Variants in CNTN5 observed in about 807,000 individuals in gnomAD.
The protein encoded by CNTN5 is contactin 5, also known as contactin-5.
CNTN5 carries 77 observed loss-of-function variants against 129.1 expected under a neutral mutation model. The observed-to-expected ratio is 0.60, with a 90% confidence interval of 0.50 to 0.72. The LOEUF (loss-of-function observed/expected upper bound fraction) is 0.72, where lower values mean the gene tolerates loss of function less well. Ranked by LOEUF, CNTN5 falls within the 30% of genes least tolerant of loss-of-function variation. The pLI, the probability that CNTN5 is intolerant of heterozygous loss-of-function variation, is 0.00. For synonymous variants in CNTN5, 509 were observed against 465.6 expected (o/e 1.09, Z -1.20); for missense variants, 1,478 against 1,328.8 (o/e 1.11, Z -1.75).
chr11:99,795,242 A>T (rs771544579), intron 3 of CNTN5, among the ~76,000 whole-genome samples: 9 of 152,136 alleles, frequency 5.9e-5, no homozygotes, highest in Non-Finnish European at 1.2e-4. Context: ...GTATTATGAT[A>T]TATTTGAAGT....
chr11:100,120,025 A>T (rs1305269964), intron 13 of CNTN5, among the ~76,000 whole-genome samples: 1 of 151,956 alleles, frequency 6.6e-6, no homozygotes, highest in East Asian at 1.9e-4. Context: ...TTCTCCTAAC[A>T]TTATATGAAA....
At chr11:100,325,202 T>C (rs1396348397) in intron 21 of CNTN5, among the ~76,000 whole-genome samples, 1 of 152,098 alleles carries the variant, frequency 6.6e-6, no homozygotes, top group African/African-American at 2.4e-5. Context: ...AGGAAGAATG[T>C]AAAAAGCAAT....
chr11:99,062,498 A>G (rs937665896), intron 1 of CNTN5, among the ~76,000 whole-genome samples: 2 of 152,106 alleles, frequency 1.3e-5, no homozygotes, highest in Admixed American at 1.3e-4. Context: ...CAGCCAGTAT[A>G]CCACTCTCTA....
intron 1 of CNTN5, among the ~76,000 whole-genome samples, chr11:99,208,253 T>C (rs192822596): frequency 1.8e-4 from 28 of 152,278 alleles, no homozygotes; most frequent in African/African-American, 6.7e-4. Flanking sequence ...ATGAGTTTAA[T>C]GGTGTATGTA....
intron 1 of CNTN5, among the ~76,000 whole-genome samples, chr11:99,037,586 T>C (rs964022187): frequency 2.0e-4 from 29 of 147,148 alleles, no homozygotes; most frequent in African/African-American, 6.7e-4. Context: ...CTTTTTTTTT[T>C]TTTTTTTTTT....
intron 1 of CNTN5, among the ~76,000 whole-genome samples, chr11:99,188,975 C>T (rs1044161368): frequency 7.3e-5 from 11 of 151,614 alleles, no homozygotes; most frequent in Admixed American, 1.3e-4. Context: ...TTGAAACTTT[C>T]GAACTTTGAA....
chr11:99,477,624 A>T (rs951685134), intron 2 of CNTN5, among the ~76,000 whole-genome samples: 3 of 151,826 alleles, frequency 2.0e-5, no homozygotes, highest in Non-Finnish European at 2.9e-5. Flanking sequence ...ACCAAAGCAA[A>T]ATTTAACAAA....
chr11:100,134,455 G>T (rs1446755567), intron 13 of CNTN5, among the ~76,000 whole-genome samples: 2 of 152,136 alleles, frequency 1.3e-5, no homozygotes, highest in Non-Finnish European at 1.5e-5. Context: ...ATGAGATAAT[G>T]AATATAAAGT....
At chr11:100,126,546 T>C (rs912142705) in intron 13 of CNTN5, among the ~76,000 whole-genome samples, 6 of 152,062 alleles carry the variant, frequency 3.9e-5, no homozygotes, top group African/African-American at 1.2e-4. Context: ...TCTCTGTCTT[T>C]TTTTTAAAAT....
At chr11:99,553,979 C>CACACAT (rs1555025633) in intron 2 of CNTN5, among the ~76,000 whole-genome samples, 5 of 145,556 alleles carry the variant, frequency 3.4e-5, no homozygotes, top group Admixed American at 6.9e-5. Context: ...CACACACACA[C>CACACAT]ACACACACAC....
rs1393717488 is a variant in CNTN5 at position 100,070,433 on chromosome 11, A to G, written c.1172A>G (p.His391Arg). ...GCTTACATACTTACAGCCTACCCAC[A>G]CTGGGTAGAAAAACTGAATGATACT... ...RGQLQVYTYP[H>R]WVEKLNDTQL... The change falls in exon 11 of 25, where the codon CAC becomes CGC. Residue 391 changes from histidine to arginine, a missense_variant. Physicochemically the swap from His to Arg is conservative, Grantham distance 29. Coordinates refer to ENST00000524871, the MANE Select transcript of CNTN5 (RefSeq NM_014361.4). 2 of 1,611,628 alleles carry G rather than the reference A, an allele frequency of 1.2e-6. No homozygotes were observed. Among genetic ancestry groups the G allele is most frequent in the African/African-American group, 1.3e-5 (1 of 74,838 alleles).
intron 1 of CNTN5, among the ~76,000 whole-genome samples, chr11:99,122,366 A>G (rs774223204): frequency 9.9e-5 from 15 of 152,204 alleles, no homozygotes; most frequent in South Asian, 2.1e-4. Context: ...TTAATAAACA[A>G]TACATCTTAG....
intron 3 of CNTN5, among the ~76,000 whole-genome samples, chr11:99,593,372 C>T (rs536130562): frequency 6.6e-6 from 1 of 152,244 alleles, no homozygotes; most frequent in African/African-American, 2.4e-5. Flanking sequence ...ACTCTTGTCA[C>T]TGATTTGAAA....
At chr11:100,083,429 T>C (rs1944435326) in intron 13 of CNTN5, among the ~76,000 whole-genome samples, 1 of 151,950 alleles carries the variant, frequency 6.6e-6, no homozygotes, top group Non-Finnish European at 1.5e-5. Context: ...GCTATACCAT[T>C]CACAAGGGAT....
chr11:99,725,887 C>T (rs535563632), intron 3 of CNTN5, among the ~76,000 whole-genome samples: 1 of 152,308 alleles, frequency 6.6e-6, no homozygotes, highest in Non-Finnish European at 1.5e-5. Flanking sequence ...CCTTTTAAAT[C>T]TGAGGGCTCA....
At chr11:100,259,879 A>C (rs1950160418) in intron 17 of CNTN5, among the ~76,000 whole-genome samples, 1 of 152,136 alleles carries the variant, frequency 6.6e-6, no homozygotes, top group African/African-American at 2.4e-5. Context: ...AATCACAATT[A>C]AAAGAACTAG....
intron 1 of CNTN5, among the ~76,000 whole-genome samples, chr11:99,213,889 A>G (rs1859969278): frequency 6.6e-6 from 1 of 152,182 alleles, no homozygotes; most frequent in Non-Finnish European, 1.5e-5. Context: ...AGAATAAACA[A>G]GTACAGTGTT....
chr11:99,920,753 A>G (rs1341950460), intron 7 of CNTN5, among the ~76,000 whole-genome samples: 1 of 152,148 alleles, frequency 6.6e-6, no homozygotes, highest in African/African-American at 2.4e-5. Context: ...TTATAAGTAC[A>G]CTAATCTCAT....
At chr11:99,445,638 A>G (rs977178137) in intron 2 of CNTN5, among the ~76,000 whole-genome samples, 2 of 152,212 alleles carry the variant, frequency 1.3e-5, no homozygotes, top group Non-Finnish European at 2.9e-5. Flanking sequence ...TCAAAGAGTC[A>G]GGATGTTGCT....
Sources: gnomAD v4.1 joint callset for allele counts (sites outside exome capture counted in the v4.1 genomes callset) on GRCh38, gnomAD v4.1.1 for gene constraint, MANE v1.5 for transcripts, NCBI Gene and HGNC (gene_info 2026-07-23, HGNC 2026-07-21) for gene names.